The following CSMD1 variants were observed in gnomAD, a reference collection of about 807,000 sequenced individuals.
The protein encoded by CSMD1 is CUB and Sushi multiple domains 1, also known as CUB and sushi domain-containing protein 1.
Under a neutral mutation model 417.5 loss-of-function variants are expected in CSMD1, and 213 were observed. The ratio of observed to expected loss-of-function variants is 0.51; its 90% CI spans 0.46 to 0.57. The LOEUF (loss-of-function observed/expected upper bound fraction) is 0.57. Among genes scored for constraint, CSMD1 ranks in the 20% least tolerant of loss-of-function variants. The probability of loss-of-function intolerance (pLI) is 0.00; values close to 1 mark genes in which losing one functional copy is unlikely to be tolerated. For missense variants in CSMD1, 6,923 were observed against 4,529.7 expected (o/e 1.53, Z -15.17); for synonymous variants, 2,862 against 1,736.8 (o/e 1.65, Z -16.11).
At chr8:3,867,815 C>A (rs1043657105) in intron 5 of CSMD1, among the ~76,000 whole-genome samples, 3 of 151,928 alleles carry the variant, frequency 2.0e-5, no homozygotes, top group South Asian at 2.1e-4. Context: ...TCCAACTGAC[C>A]TTCCCTCAAT....
At chr8:4,442,524 T>G (rs2129706400) in intron 2 of CSMD1, among the ~76,000 whole-genome samples, 1 of 152,310 alleles carries the variant, frequency 6.6e-6, no homozygotes, top group African/African-American at 2.4e-5. Flanking sequence ...TATGTCTGTT[T>G]ACCTGAAGAA....
chr8:4,696,866 T>C (rs1170924797), intron 1 of CSMD1, among the ~76,000 whole-genome samples: 1 of 152,208 alleles, frequency 6.6e-6, no homozygotes, highest in Admixed American at 6.5e-5. Context: ...TGTAAAGCTC[T>C]TGAAACTATG....
intron 26 of CSMD1, among the ~76,000 whole-genome samples, chr8:3,246,528 G>C (rs544354211): frequency 1.3e-5 from 2 of 152,212 alleles, no homozygotes; most frequent in East Asian, 3.9e-4. Flanking sequence ...CTGGTGTGCA[G>C]TGACTCAGTC....
intron 3 of CSMD1, among the ~76,000 whole-genome samples, chr8:4,395,689 C>G (rs1048439959): frequency 2.0e-5 from 3 of 152,028 alleles, no homozygotes; most frequent in African/African-American, 7.2e-5. Flanking sequence ...GACATAAACA[C>G]AAACATGTAT....
At chr8:4,170,532 G>C (rs1399659099) in intron 3 of CSMD1, among the ~76,000 whole-genome samples, 2 of 151,866 alleles carry the variant, frequency 1.3e-5, no homozygotes, top group Non-Finnish European at 2.9e-5. Context: ...AAAGTCTATA[G>C]TCGGAGTATT....
At chr8:4,246,503 A>T (rs917603446) in intron 3 of CSMD1, among the ~76,000 whole-genome samples, 1 of 152,160 alleles carries the variant, frequency 6.6e-6, no homozygotes, top group Non-Finnish European at 1.5e-5. Flanking sequence ...TTTAAAGAAA[A>T]TTGTAAGACC....
intron 2 of CSMD1, among the ~76,000 whole-genome samples, chr8:4,546,018 T>G (rs528060815): frequency 6.6e-6 from 1 of 152,120 alleles, no homozygotes; most frequent in Admixed American, 6.5e-5. Context: ...CACAGCTGCA[T>G]CTACAGAGAC....
chr8:4,910,086 A>C (rs1403521685), intron 1 of CSMD1, among the ~76,000 whole-genome samples: 1 of 152,240 alleles, frequency 6.6e-6, no homozygotes, highest in Non-Finnish European at 1.5e-5. Context: ...ACCAGACTTT[A>C]CTTAGGACTG....
chr8:4,613,099 G>A (rs923273608), intron 2 of CSMD1, among the ~76,000 whole-genome samples: 1 of 152,120 alleles, frequency 6.6e-6, no homozygotes, highest in African/African-American at 2.4e-5. Flanking sequence ...TCTTATAGCT[G>A]AATGCACACA....
chr8:4,016,632 C>T (rs1796536853), intron 4 of CSMD1, among the ~76,000 whole-genome samples: 1 of 152,194 alleles, frequency 6.6e-6, no homozygotes, highest in Admixed American at 6.5e-5. Flanking sequence ...AGAGATGACT[C>T]TTTGCTTTGT....
chr8:3,966,406 T>C (rs1380004118), intron 5 of CSMD1, among the ~76,000 whole-genome samples: 1 of 152,152 alleles, frequency 6.6e-6, no homozygotes, highest in Non-Finnish European at 1.5e-5. Flanking sequence ...GATAAATATA[T>C]AATACATATA....
chr8:4,212,745 C>CTTTTTTTTTTTTT, intron 3 of CSMD1, among the ~76,000 whole-genome samples: 1 of 108,316 alleles, frequency 9.2e-6, no homozygotes, highest in African/African-American at 4.8e-5. Flanking sequence ...CAACAGCGGC[C>CTTTTTTTTTTTTT]TTATTCTTTT....
intron 1 of CSMD1, among the ~76,000 whole-genome samples, chr8:4,722,213 T>C (rs1178703492): frequency 6.6e-6 from 1 of 152,180 alleles, no homozygotes; most frequent in Non-Finnish European, 1.5e-5. Context: ...ATATATTAAA[T>C]ATATTGCTTT....
intron 2 of CSMD1, among the ~76,000 whole-genome samples, chr8:4,609,118 C>T (rs991635685): frequency 1.3e-5 from 2 of 152,112 alleles, no homozygotes; most frequent in South Asian, 2.1e-4. Flanking sequence ...ATGAAATACT[C>T]GCCAGATGCG....
chr8:3,313,388 T>G (rs370908932), intron 23 of CSMD1, among the ~76,000 whole-genome samples: 1 of 152,116 alleles, frequency 6.6e-6, no homozygotes, highest in Admixed American at 6.6e-5. Flanking sequence ...AGGGCTAATA[T>G]GCACAATCTA....
intron 7 of CSMD1, among the ~76,000 whole-genome samples, chr8:3,691,226 G>T (rs989363690): frequency 2.6e-5 from 4 of 151,940 alleles, no homozygotes; most frequent in African/African-American, 9.7e-5. Context: ...AAATTAGCCG[G>T]GCACGGTAAC....
chr8:4,261,661 C>T (rs1803892533), intron 3 of CSMD1, among the ~76,000 whole-genome samples: 1 of 152,080 alleles, frequency 6.6e-6, no homozygotes, highest in Non-Finnish European at 1.5e-5. Context: ...CCTGCCACCT[C>T]GGCCTCCCAA....
intron 1 of CSMD1, among the ~76,000 whole-genome samples, chr8:4,704,029 G>C (rs769719937): frequency 6.6e-6 from 1 of 152,168 alleles, no homozygotes; most frequent in Non-Finnish European, 1.5e-5. Context: ...AGACGAGGCG[G>C]ATCTCAGGCA....
At chr8:3,310,089 TA>T (rs777519934) in intron 23 of CSMD1, among the ~76,000 whole-genome samples, 6 of 152,204 alleles carry the variant, frequency 3.9e-5, no homozygotes, top group Non-Finnish European at 7.3e-5. Flanking sequence ...AGGGATATGC[TA>T]AATGTCCACA....
Sources: allele counts gnomAD v4.1 joint callset (sites outside exome capture counted in the v4.1 genomes callset), GRCh38; gene constraint gnomAD v4.1.1; transcripts MANE v1.5; gene names NCBI Gene and HGNC (gene_info 2026-07-23, HGNC 2026-07-21).